PTPRC: variants seen among roughly 807,000 people sequenced by gnomAD.
PTPRC encodes the protein protein tyrosine phosphatase receptor type C, also known as receptor-type tyrosine-protein phosphatase C.
In PTPRC, 44 loss-of-function variants were observed where a neutral mutation model predicts 155.9. The ratio of observed to expected loss-of-function variants is 0.28; its 90% CI spans 0.22 to 0.36. PTPRC has a LOEUF of 0.36. Ranked by LOEUF, PTPRC falls within the 10% of genes least tolerant of loss-of-function variation. The pLI, the probability that PTPRC is intolerant of heterozygous loss-of-function variation, is 1.00. For missense variants in PTPRC, 1,401 were observed against 1,564.6 expected, an observed-to-expected ratio of 0.90 and a Z score of 1.76; for synonymous variants, 525 against 533.1, an observed-to-expected ratio of 0.98 and a Z score of 0.21.
intron 2 of PTPRC, among the ~76,000 whole-genome samples, chr1:198,685,535 G>A (rs940205103): frequency 7.9e-5 from 12 of 151,838 alleles, no homozygotes; most frequent in African/African-American, 1.7e-4. Context: ...CTGGCTTGTC[G>A]CTGCCCAGAG....
chr1:198,738,418 G>C (rs1377892923), intron 23 of PTPRC, among the ~76,000 whole-genome samples: 1 of 151,720 alleles, frequency 6.6e-6, no homozygotes, highest in Non-Finnish European at 1.5e-5. Flanking sequence ...CATGTCTTTT[G>C]TCCTTCATTC....
intron 2 of PTPRC, among the ~76,000 whole-genome samples, chr1:198,683,373 C>A (rs1481894543): frequency 6.6e-6 from 1 of 152,002 alleles, no homozygotes; most frequent in Non-Finnish European, 1.5e-5. Context: ...AAGCAAAGAG[C>A]TACAAAAACA....
chr1:198,718,907 C>G (rs1466993922), intron 14 of PTPRC, among the ~76,000 whole-genome samples: 1 of 152,090 alleles, frequency 6.6e-6, no homozygotes, highest in Non-Finnish European at 1.5e-5. Flanking sequence ...ATCACACACA[C>G]CTTTCTATGT....
intron 26 of PTPRC, among the ~76,000 whole-genome samples, chr1:198,747,780 G>A (rs1040747167): frequency 2.0e-5 from 3 of 151,818 alleles, no homozygotes; most frequent in Non-Finnish European, 2.9e-5. Flanking sequence ...ACTTACCATT[G>A]CTTTTGCAAT....
At chr1:198,662,050 T>TG (rs1447673588) in intron 2 of PTPRC, among the ~76,000 whole-genome samples, 1 of 152,170 alleles carries the variant, frequency 6.6e-6, no homozygotes, top group Admixed American at 6.5e-5. Context: ...GAAGCCACCA[T>TG]GTCCAACTGG....
In PTPRC at chr1:198,755,962, A is replaced by G; in HGVS notation, c.3702A>G (p.Gly1234=). 6.2e-7 allele frequency: 1 copy of G among 1,613,064 alleles called. No homozygotes were observed. Among genetic ancestry groups the G allele is most frequent in the Non-Finnish European group, 8.5e-7 (1 of 1,179,372 alleles). The part of the protein sequence containing the change: ...VIASTYPAQN[G]QVKKNNHQED... ...CCAGCACCTACCCTGCTCAGAATGG[A>G]CAAGTAAAGAAAAACAACCATCAAG... The change falls in exon 33 of 33, where the codon GGA becomes GGG. Residue 1234 remains glycine, a synonymous_variant. Transcript: ENST00000442510.
chr1:198,644,384 A>T (rs1464584697), intron 2 of PTPRC, among the ~76,000 whole-genome samples: 1 of 151,898 alleles, frequency 6.6e-6, no homozygotes, highest in Non-Finnish European at 1.5e-5. Context: ...ATATGATTTG[A>T]TGCCTATTTC....
At chr1:198,749,362 A>G in intron 27 of PTPRC, 54 bp from the exon 28 acceptor site, 1 of 1,534,316 alleles carries the variant, frequency 6.5e-7, no homozygotes, top group Non-Finnish European at 9.0e-7. Context: ...CATGACAATG[A>G]AGAAGAAATT....
chr1:198,691,441 G>A (rs1287335086), intron 2 of PTPRC, among the ~76,000 whole-genome samples: 1 of 151,952 alleles, frequency 6.6e-6, no homozygotes, highest in Non-Finnish European at 1.5e-5. Context: ...GGTGATTCTT[G>A]AGTGTTTCAT....
At chr1:198,655,940 G>C (rs977806903) in intron 2 of PTPRC, among the ~76,000 whole-genome samples, 12 of 152,028 alleles carry the variant, frequency 7.9e-5, no homozygotes, top group African/African-American at 2.9e-4. Flanking sequence ...AGACCAGTTG[G>C]TTAAACTACT....
chr1:198,654,748 T>C (rs1663457974), intron 2 of PTPRC, among the ~76,000 whole-genome samples: 1 of 151,910 alleles, frequency 6.6e-6, no homozygotes, highest in Non-Finnish European at 1.5e-5. Flanking sequence ...CATTAATATG[T>C]AATAATAGTA....
chr1:198,751,081 T>C (rs1655357849), intron 29 of PTPRC, among the ~76,000 whole-genome samples: 1 of 152,018 alleles, frequency 6.6e-6, no homozygotes, highest in Non-Finnish European at 1.5e-5. Context: ...GCCATTTGCA[T>C]TGTCATCACT....
rs887978894 is a variant in PTPRC at position 198,694,015 on chromosome 1, T to C, written c.100+1642T>C. On this transcript the variant is annotated intron_variant, in intron 3 of 32. Transcript: ENST00000442510. The stretch of plus-strand genomic sequence containing the variant: ...ACAATCACGAGGTGAATTCCCACAA[T>C]AGGCCATCTGCAAGCTGAGGAGCAA... 5.8e-6 allele frequency: 9 copies of C among 1,547,604 alleles called. No homozygotes were observed. In the African/African-American group the frequency reaches 6.9e-5, roughly 12 times the overall value.
intron 2 of PTPRC, among the ~76,000 whole-genome samples, chr1:198,645,924 A>G (rs1005801409): frequency 1.3e-5 from 2 of 151,912 alleles, no homozygotes; most frequent in South Asian, 2.1e-4. Context: ...TACTGTGTCC[A>G]TACCCACCAT....
intron 2 of PTPRC, among the ~76,000 whole-genome samples, chr1:198,641,723 A>C (rs900201859): frequency 1.3e-5 from 2 of 151,878 alleles, no homozygotes; most frequent in Non-Finnish European, 2.9e-5. Context: ...GTTCTAATAA[A>C]GTTGTAATGC....
At chr1:198,706,263 T>C (rs539932959) in intron 8 of PTPRC, among the ~76,000 whole-genome samples, 6 of 152,354 alleles carry the variant, frequency 3.9e-5, no homozygotes, top group African/African-American at 1.4e-4. Context: ...TTCTGATCCC[T>C]GAGTAATTAA....
intron 3 of PTPRC, among the ~76,000 whole-genome samples, chr1:198,695,856 TA>T (rs1271890365): frequency 6.6e-6 from 1 of 152,176 alleles, no homozygotes. Flanking sequence ...GCTTTTAATT[TA>T]TTTTTTAAAA....
At chr1:198,705,097 A>G (rs765113584) in intron 8 of PTPRC, among the ~76,000 whole-genome samples, 5 of 151,996 alleles carry the variant, frequency 3.3e-5, no homozygotes, top group Admixed American at 6.6e-5. Flanking sequence ...CTCAAAGCAG[A>G]TACTTGAAAA....
At chr1:198,691,487 C>T (rs1665922204) in intron 2 of PTPRC, among the ~76,000 whole-genome samples, 1 of 152,024 alleles carries the variant, frequency 6.6e-6, no homozygotes, top group Non-Finnish European at 1.5e-5. Context: ...TTGGGGTATA[C>T]TCTTCCTACG....
Sources: gnomAD v4.1 joint callset for allele counts (sites outside exome capture counted in the v4.1 genomes callset) on GRCh38, gnomAD v4.1.1 for gene constraint, MANE v1.5 for transcripts, NCBI Gene and HGNC (gene_info 2026-07-23, HGNC 2026-07-21) for gene names.